RFX4: variants seen among roughly 807,000 people sequenced by gnomAD.
RFX4 encodes transcription factor RFX4.
A neutral mutation model predicts 95.0 loss-of-function variants in RFX4; 10 were observed. The ratio of observed to expected loss-of-function variants is 0.11; its 90% CI spans 0.06 to 0.18. RFX4 has a LOEUF of 0.18. Ranked by LOEUF, RFX4 falls within the 10% of genes least tolerant of loss-of-function variation. The probability of loss-of-function intolerance (pLI) is 1.00; values close to 1 mark genes in which losing one functional copy is unlikely to be tolerated. For missense variants in RFX4, 640 were observed against 922.0 expected (o/e 0.69, Z 3.96); for synonymous variants, 321 against 340.7 (o/e 0.94, Z 0.64).
intron 15 of RFX4, among the ~76,000 whole-genome samples, chr12:106,737,162 G>GTTTTTTTTTTTTTTTTTT (rs556116618): frequency 1.8e-5 from 1 of 54,890 alleles, no homozygotes; most frequent in Non-Finnish European, 3.5e-5. Context: ...CGGAACTAAA[G>GTTTTTTTTTTTTTTTTTT]TTTTTTTTTT....
At chr12:106,595,790 T>G (rs1313022802) in intron 1 of RFX4, among the ~76,000 whole-genome samples, 2 of 152,154 alleles carry the variant, frequency 1.3e-5, no homozygotes, top group African/African-American at 2.4e-5. Flanking sequence ...TCATTAACAG[T>G]GCGGGCTCTG....
At chr12:106,664,069 C>G (rs555365443) in intron 4 of RFX4, among the ~76,000 whole-genome samples, 3 of 151,854 alleles carry the variant, frequency 2.0e-5, no homozygotes, top group African/African-American at 7.2e-5. Context: ...CAGCTGACTT[C>G]ATAGAAAGAG....
At chr12:106,669,126 A>G (rs2041232857) in intron 4 of RFX4, among the ~76,000 whole-genome samples, 1 of 152,228 alleles carries the variant, frequency 6.6e-6, no homozygotes, top group Non-Finnish European at 1.5e-5. Flanking sequence ...AAGGAGACTC[A>G]GAGATCAGTT....
intron 2 of RFX4, among the ~76,000 whole-genome samples, chr12:106,628,893 A>G (rs1419825007): frequency 6.0e-5 from 9 of 150,822 alleles, no homozygotes; most frequent in African/African-American, 2.0e-4. Flanking sequence ...CTGAGTAGCT[A>G]GGATTACAGG....
chr12:106,647,982 TTTGA>T (rs1170478434), intron 3 of RFX4, among the ~76,000 whole-genome samples: 2 of 152,190 alleles, frequency 1.3e-5, no homozygotes, highest in Non-Finnish European at 2.9e-5. Flanking sequence ...GATGAAGCTA[TTTGA>T]GCCATAAGCT....
intron 15 of RFX4, among the ~76,000 whole-genome samples, chr12:106,737,350 T>C (rs1400346149): frequency 6.6e-6 from 1 of 151,822 alleles, no homozygotes; most frequent in East Asian, 1.9e-4. Context: ...TAGCAAACAA[T>C]AGAAGTGTGG....
At chr12:106,667,968 G>T (rs1002370080) in intron 4 of RFX4, among the ~76,000 whole-genome samples, 1 of 152,138 alleles carries the variant, frequency 6.6e-6, no homozygotes, top group Non-Finnish European at 1.5e-5. Context: ...CTATAAAGTC[G>T]ATCCTAGGTG....
At chr12:106,632,487 C>T (rs2040434942) in intron 2 of RFX4, among the ~76,000 whole-genome samples, 1 of 152,168 alleles carries the variant, frequency 6.6e-6, no homozygotes, top group South Asian at 2.1e-4. Flanking sequence ...TCTCTATCAA[C>T]TATGGCTATT....
Position 106,761,625 on chromosome 12 carries a change from A to G in RFX4, c.*156A>G, listed in dbSNP as rs1257763813. The G allele has an allele frequency of 2.4e-6, 1 of 414,478 alleles. No individual in the cohort carries two copies. The highest frequency in any genetic ancestry group is 3.6e-6 in the Non-Finnish European group (1 of 275,978). The allele number at this position is 414,478 out of a possible 1,614,324, so 25.7% of individuals were successfully genotyped here. ...TCCTAATGAACATGAGGATGGGATC[A>G]ATGTGGGATGAATAAACTTTAGTTC... On this transcript the variant is annotated 3_prime_UTR_variant, in exon 18 of 18. Coordinates refer to ENST00000392842, the MANE Select transcript of RFX4 (RefSeq NM_213594.3).
chr12:106,683,483 A>C (rs1295544199), intron 5 of RFX4: 13 of 149,220 alleles, frequency 8.7e-5, no homozygotes, highest in African/African-American at 2.0e-4. Flanking sequence ...AAAAAAAAAA[A>C]AAAAAAAAAA....
chr12:106,591,261 C>T (rs1376437840), intron 1 of RFX4, among the ~76,000 whole-genome samples: 1 of 66,466 alleles, frequency 1.5e-5, no homozygotes, highest in East Asian at 3.8e-4. Context: ...TAAAATAGTC[C>T]CTTTTTTTTT....
At chr12:106,684,666 C>T in intron 5 of RFX4, 3 of 1,442,638 alleles carry the variant, frequency 2.1e-6, no homozygotes, top group Non-Finnish European at 2.7e-6. Context: ...CCACCTGAAG[C>T]CACCGGAACC....
chr12:106,611,400 A>G (rs1592848729), intron 2 of RFX4, among the ~76,000 whole-genome samples: 1 of 147,744 alleles, frequency 6.8e-6, no homozygotes. Flanking sequence ...AATGTTGTGA[A>G]GTTTTCGCCT....
At chr12:106,690,821 A>G (rs2041765415) in intron 7 of RFX4, among the ~76,000 whole-genome samples, 1 of 152,180 alleles carries the variant, frequency 6.6e-6, no homozygotes, top group African/African-American at 2.4e-5. Context: ...AGCAGCTTAC[A>G]CTACTCAAAT....
intron 9 of RFX4, among the ~76,000 whole-genome samples, 187 bp downstream of exon 9, chr12:106,709,617 C>T (rs775371946): frequency 6.6e-6 from 1 of 151,754 alleles, no homozygotes; most frequent in Admixed American, 6.6e-5. Context: ...ATAGGTGGCA[C>T]ATTTCTTCCT....
rs17038766 is a variant in RFX4, at chr12:106,761,353, T to G, written c.2092T>G (p.Ser698Ala). 2.9e-3 allele frequency: 4,714 copies of G among 1,614,044 alleles called. 28 individuals carry two copies. Among genetic ancestry groups the G allele is most frequent in the African/African-American group, 0.024 (1,793 of 74,976 alleles). ...TGTGCATTCTGCGAGGTACGGAAAC[T>G]CTAGTGACATGTATACACCTCTGAC... Reference protein sequence around the residue: ...PSVHSARYGNSSDMYTPLTTR... With the variant: ...PSVHSARYGNASDMYTPLTTR... Residue 698 changes from serine to alanine, a missense_variant, in exon 18 of 18, where the codon TCT becomes GCT. Transcript: ENST00000392842.
At chr12:106,639,528 G>A in intron 3 of RFX4, 136 bp downstream of exon 3, 1 of 802,836 alleles carries the variant, frequency 1.2e-6, no homozygotes, top group Non-Finnish European at 1.9e-6. Context: ...TATTTAATTT[G>A]CAGTATATGT....
chr12:106,701,070 TC>T (rs2041981786), intron 8 of RFX4, among the ~76,000 whole-genome samples: 1 of 152,228 alleles, frequency 6.6e-6, no homozygotes, highest in African/African-American at 2.4e-5. Flanking sequence ...ATATTGCAGG[TC>T]TAGTGGTAAC....
chr12:106,671,441 G>T (rs894608977), intron 4 of RFX4, among the ~76,000 whole-genome samples: 2 of 152,016 alleles, frequency 1.3e-5, no homozygotes, highest in South Asian at 2.1e-4. Context: ...GGGGCAGGGG[G>T]TGTCATTCAC....
Sources: gnomAD v4.1 joint callset for allele counts (sites outside exome capture counted in the v4.1 genomes callset) on GRCh38, gnomAD v4.1.1 for gene constraint, MANE v1.5 for transcripts, NCBI Gene and HGNC (gene_info 2026-07-23, HGNC 2026-07-21) for gene names.